The following ADCK1 variants were observed in gnomAD, a reference collection of about 807,000 sequenced individuals.
ADCK1 encodes the protein aarF domain-containing protein kinase 1.
In ADCK1, 41 loss-of-function variants were observed where a neutral mutation model predicts 52.3. The observed-to-expected ratio is 0.78, with a 90% CI of 0.61 to 1.02. ADCK1 has a LOEUF of 1.02. Among genes scored for constraint, ADCK1 ranks in the 50% least tolerant of loss-of-function variants. ADCK1 has a pLI of 0.00. For synonymous variants in ADCK1, 250 were observed against 274.6 expected (o/e 0.91, Z 0.89); for missense variants, 658 against 679.5 (o/e 0.97, Z 0.35).
rs922542252 is a variant in ADCK1 at position 77,931,638 on chromosome 14, G to A, written c.1327G>A (p.Ala443Thr). Residue 443 changes from alanine to threonine, a missense_variant, in exon 10 of 11, where the codon GCC (alanine) becomes ACC (threonine). Physicochemically the swap from Ala to Thr is moderately conservative, Grantham distance 58. Coordinates refer to ENST00000238561, the MANE Select transcript of ADCK1 (RefSeq NM_020421.4). ...CAACGACCTGCTGCGTGGCATTGAG[G>A]CCGCCCTGGGCACCCGCGCCAGCGC... ...KTNDLLRGIE[A>T]ALGTRASASS... is the part of the protein sequence containing the mutation. 6.2e-7 allele frequency: 1 copy of A among 1,612,132 alleles called. No homozygotes were observed. Among genetic ancestry groups the A allele is most frequent in the Non-Finnish European group, 8.5e-7 (1 of 1,180,040 alleles).
At chr14:77,801,734 G>A (rs959017420) in intron 1 of ADCK1, among the ~76,000 whole-genome samples, 1 of 152,112 alleles carries the variant, frequency 6.6e-6, no homozygotes, top group Non-Finnish European at 1.5e-5. Context: ...GAGGTCAGGC[G>A]TTCAATGCCA....
intron 4 of ADCK1, among the ~76,000 whole-genome samples, chr14:77,872,494 G>C (rs1189211727): frequency 6.6e-6 from 1 of 152,034 alleles, no homozygotes; most frequent in Non-Finnish European, 1.5e-5. Flanking sequence ...GGTTCTTGAA[G>C]AAGAGGGAAG....
intron 2 of ADCK1, among the ~76,000 whole-genome samples, chr14:77,820,639 CGTGTGT>C (rs10549011): frequency 0.23 from 34,735 of 148,604 alleles, 4,203 homozygotes; most frequent in Middle Eastern, 0.3. Flanking sequence ...GCCAATTTTA[CGTGTGT>C]GTGTGTGTGT....
chr14:77,815,946 G>T (rs2081441251), intron 1 of ADCK1, among the ~76,000 whole-genome samples: 1 of 150,960 alleles, frequency 6.6e-6, no homozygotes, highest in Admixed American at 6.6e-5. Flanking sequence ...CTCCCAAGTA[G>T]CTGGGACTAC....
intron 6 of ADCK1, among the ~76,000 whole-genome samples, chr14:77,903,437 C>G (rs896757529): frequency 3.9e-5 from 6 of 152,208 alleles, no homozygotes; most frequent in Non-Finnish European, 8.8e-5. Flanking sequence ...AACCTCAGCC[C>G]TGTGCTATAA....
At chr14:77,884,647 C>T (rs374221275) in intron 4 of ADCK1, among the ~76,000 whole-genome samples, 7 of 152,290 alleles carry the variant, frequency 4.6e-5, no homozygotes, top group Admixed American at 2.0e-4. Context: ...CACCGTGGCC[C>T]GGGTTCACTC....
At chr14:77,807,367 C>T (rs2139996025) in intron 1 of ADCK1, among the ~76,000 whole-genome samples, 1 of 151,238 alleles carries the variant, frequency 6.6e-6, no homozygotes, top group Middle Eastern at 3.4e-3. Context: ...CGCGCCCGGC[C>T]TGGAGACAGA....
intron 4 of ADCK1, 143 bp downstream of exon 4, chr14:77,859,422 T>C: frequency 1.2e-6 from 1 of 809,180 alleles, no homozygotes; most frequent in Non-Finnish European, 1.9e-6. Context: ...AGTGCTGAAA[T>C]CAAAGAGGTT....
At chr14:77,870,287 C>T (rs2082748993) in intron 4 of ADCK1, among the ~76,000 whole-genome samples, 1 of 152,194 alleles carries the variant, frequency 6.6e-6, no homozygotes, top group African/African-American at 2.4e-5. Context: ...GATGACATCT[C>T]CACTCTTCCC....
intron 3 of ADCK1, among the ~76,000 whole-genome samples, chr14:77,840,241 T>C (rs751932299): frequency 7.9e-5 from 12 of 152,186 alleles, no homozygotes; most frequent in Non-Finnish European, 1.2e-4. Flanking sequence ...CTTATAGTTC[T>C]GGAGGTCAGA....
chr14:77,843,680 A>G (rs994198010), intron 3 of ADCK1, among the ~76,000 whole-genome samples: 14 of 152,200 alleles, frequency 9.2e-5, no homozygotes, highest in African/African-American at 3.4e-4. Context: ...GAGGGCTTGC[A>G]CAGTCACATC....
At chr14:77,919,195 G>A (rs573362576) in intron 7 of ADCK1, among the ~76,000 whole-genome samples, 16 of 152,200 alleles carry the variant, frequency 1.1e-4, no homozygotes, top group Non-Finnish European at 1.6e-4. Context: ...GATTACAGGC[G>A]TGAGCCACCA....
At chr14:77,856,017 C>T (rs1430291069) in intron 3 of ADCK1, among the ~76,000 whole-genome samples, 3 of 152,092 alleles carry the variant, frequency 2.0e-5, no homozygotes, top group Non-Finnish European at 2.9e-5. Context: ...CGATACCAGC[C>T]TGGGCAACAT....
chr14:77,907,879 A>G lies in ADCK1; in HGVS notation c.818A>G (p.Asp273Gly), dbSNP rs201937466. ...MEFVDGGQVN[D>G]RDYMERNKID... The stretch of plus-strand genomic sequence containing the variant: ...TTTGTGGATGGCGGGCAGGTCAATG[A>G]CAGAGACTACATGGAGAGGAACAAG... The change falls in exon 7 of 11, where the codon GAC (aspartate) becomes GGC (glycine). Residue 273 changes from aspartate to glycine, a missense_variant. Coordinates refer to ENST00000238561, the MANE Select transcript of ADCK1 (RefSeq NM_020421.4). 6.2e-7 allele frequency: 1 copy of G among 1,613,992 alleles called. No individual in the cohort carries two copies. Among genetic ancestry groups the G allele is most frequent in the Admixed American group, 1.7e-5 (1 of 59,998 alleles).
intron 1 of ADCK1, among the ~76,000 whole-genome samples, chr14:77,807,225 C>A (rs61990719): frequency 2.0e-5 from 3 of 151,458 alleles, no homozygotes; most frequent in Non-Finnish European, 2.9e-5. Flanking sequence ...CCCGCCACCA[C>A]GCCCGGTTAA....
At chr14:77,862,667 C>T (rs182261709) in intron 4 of ADCK1, among the ~76,000 whole-genome samples, 1 of 152,328 alleles carries the variant, frequency 6.6e-6, no homozygotes, top group East Asian at 1.9e-4. Flanking sequence ...CTCTGATGGC[C>T]AGTGATTCTG....
chr14:77,891,102 G>A (rs903717545), intron 5 of ADCK1, among the ~76,000 whole-genome samples: 2 of 152,168 alleles, frequency 1.3e-5, no homozygotes, highest in African/African-American at 4.8e-5. Context: ...GTGTGTAGCA[G>A]CCTGATAGCC....
intron 4 of ADCK1, among the ~76,000 whole-genome samples, chr14:77,884,424 G>T (rs1462439041): frequency 6.6e-6 from 1 of 152,186 alleles, no homozygotes; most frequent in African/African-American, 2.4e-5. Context: ...CCCAGCAAGG[G>T]GGTGGGGAAG....
intron 2 of ADCK1, among the ~76,000 whole-genome samples, chr14:77,820,252 T>C (rs1042700938): frequency 1.3e-5 from 2 of 152,126 alleles, no homozygotes; most frequent in Non-Finnish European, 2.9e-5. Flanking sequence ...GAGTGAGTGC[T>C]GTGGCCTGGG....
Sources: gnomAD v4.1 joint callset for allele counts (sites outside exome capture counted in the v4.1 genomes callset) on GRCh38, gnomAD v4.1.1 for gene constraint, MANE v1.5 for transcripts, NCBI Gene and HGNC (gene_info 2026-07-23, HGNC 2026-07-21) for gene names.